DYNC2I1: variants seen among roughly 807,000 people sequenced by gnomAD.
The protein encoded by DYNC2I1 is cytoplasmic dynein 2 intermediate chain 1.
DYNC2I1 carries 89 observed loss-of-function variants against 133.4 expected under a neutral mutation model. The ratio of observed to expected loss-of-function variants is 0.67; its 90% CI spans 0.56 to 0.80. The LOEUF is 0.80. Among genes scored for constraint, DYNC2I1 ranks in the 30% least tolerant of loss-of-function variants. DYNC2I1 has a pLI of 0.00. For synonymous variants in DYNC2I1, 504 were observed against 484.3 expected (o/e 1.04, Z -0.54); for missense variants, 1,291 against 1,314.5 (o/e 0.98, Z 0.28).
At chr7:158,855,007 G>A (rs1841141945), upstream of DYNC2I1, among the ~76,000 whole-genome samples, 1 of 152,248 alleles carries the variant, frequency 6.6e-6, no homozygotes, top group African/African-American at 2.4e-5. Flanking sequence ...CAAAGCAACA[G>A]CTGTGCATTT....
At chr7:158,870,240 G>A (rs185956485) in intron 2 of DYNC2I1, among the ~76,000 whole-genome samples, 1 of 152,282 alleles carries the variant, frequency 6.6e-6, no homozygotes, top group African/African-American at 2.4e-5. Flanking sequence ...TTAGAACGAG[G>A]GTCCTTGTTT....
At chr7:158,905,632 G>A (rs956541037) in intron 10 of DYNC2I1, among the ~76,000 whole-genome samples, 4 of 152,042 alleles carry the variant, frequency 2.6e-5, no homozygotes, top group African/African-American at 9.7e-5. Context: ...TAGCAATTTT[G>A]TATGTCCTTG....
intron 20 of DYNC2I1, among the ~76,000 whole-genome samples, chr7:158,928,187 A>G (rs1013042633): frequency 2.6e-5 from 4 of 152,162 alleles, no homozygotes; most frequent in African/African-American, 9.7e-5. Context: ...GCTATGGAGT[A>G]CGATTTTCAG....
At chr7:158,869,392 C>T (rs1842679567) in intron 1 of DYNC2I1, 1 of 463,346 alleles carries the variant, frequency 2.2e-6, no homozygotes, top group South Asian at 1.6e-5. Flanking sequence ...CAGGCAGAAA[C>T]CCATTGTCCT....
At chr7:158,859,746 A>G (rs1009080914) in intron 1 of DYNC2I1, among the ~76,000 whole-genome samples, 2 of 152,154 alleles carry the variant, frequency 1.3e-5, no homozygotes, top group African/African-American at 2.4e-5. Flanking sequence ...CGGCCTCCCA[A>G]AGTGCTGGGA....
At chr7:158,882,593 C>T (rs1157348327) in intron 5 of DYNC2I1, among the ~76,000 whole-genome samples, 4 of 152,026 alleles carry the variant, frequency 2.6e-5, no homozygotes, top group Non-Finnish European at 4.4e-5. Flanking sequence ...AAAAAAGAGA[C>T]CAGGCATGGT....
At chr7:158,880,074 C>G (rs1346856507) in intron 5 of DYNC2I1, 85 bp downstream of exon 5, 1 of 1,475,066 alleles carries the variant, frequency 6.8e-7, no homozygotes, top group Non-Finnish European at 9.1e-7. Context: ...TGTCGCCAGA[C>G]AAGGTTGAGA....
chr7:158,890,571 G>A (rs1326403332), intron 7 of DYNC2I1, among the ~76,000 whole-genome samples: 1 of 151,906 alleles, frequency 6.6e-6, no homozygotes, highest in Admixed American at 6.6e-5. Flanking sequence ...ACCAGTTTTA[G>A]ACACTGCCTA....
chr7:158,915,111 A>C (rs1357983463), intron 14 of DYNC2I1, among the ~76,000 whole-genome samples: 4 of 152,030 alleles, frequency 2.6e-5, no homozygotes, highest in Non-Finnish European at 1.5e-5. Flanking sequence ...ATTAAGGATG[A>C]TTGTAAAACC....
At chr7:158,871,636 C>A in intron 3 of DYNC2I1, 74 bp downstream of exon 3, 2 of 1,414,260 alleles carry the variant, frequency 1.4e-6, no homozygotes, top group Non-Finnish European at 1.9e-6. Context: ...TGATAGCTCG[C>A]TGCCTCCCCT....
At position 158,891,249 on chromosome 7, in the gene DYNC2I1, G is replaced by C; in HGVS notation, c.991-16G>C. 2 of 1,613,956 alleles carry C rather than the reference G, an allele frequency of 1.2e-6. No homozygotes were observed. Among genetic ancestry groups the C allele is most frequent in the Admixed American group, 1.7e-5 (1 of 60,026 alleles). On this transcript the variant is annotated splice_polypyrimidine_tract_variant and intron_variant, in intron 7 of 24. Transcript: ENST00000407559. ...CACCTGTGTCCTGGCTGATGGGGCT[G>C]TTCTCTCTCCATTAGCATGGCCACG...
chr7:158,840,040 C>T, the DYNC2I1 span, among the ~76,000 whole-genome samples: 4 of 152,156 alleles, frequency 2.6e-5, no homozygotes, highest in Non-Finnish European at 2.9e-5. Context: ...GTCTCAAACT[C>T]TTGGGCTCAA....
At chr7:158,885,668 T>G (rs1455504367) in intron 6 of DYNC2I1, among the ~76,000 whole-genome samples, 1 of 152,178 alleles carries the variant, frequency 6.6e-6, no homozygotes, top group Non-Finnish European at 1.5e-5. Flanking sequence ...AGCCCTAGAC[T>G]TTAATTTGTT....
At chr7:158,876,502 A>G in intron 3 of DYNC2I1, 107 bp from the exon 4 acceptor site, 1 of 1,356,254 alleles carries the variant, frequency 7.4e-7, no homozygotes, top group Non-Finnish European at 9.8e-7. Context: ...TTTCAAATAC[A>G]TATTAACGAA....
intron 24 of DYNC2I1, among the ~76,000 whole-genome samples, chr7:158,943,851 C>T (rs1213893640): frequency 6.6e-6 from 1 of 152,182 alleles, no homozygotes; most frequent in East Asian, 1.9e-4. Context: ...TCCCCTAACC[C>T]CTCAGCAGTG....
chr7:158,943,625 AC>A (rs1288939940), intron 24 of DYNC2I1, among the ~76,000 whole-genome samples: 2 of 151,482 alleles, frequency 1.3e-5, no homozygotes, highest in Non-Finnish European at 3.0e-5. Flanking sequence ...TGTGGCGGGG[AC>A]CGGAGGGTCT....
intron 8 of DYNC2I1, among the ~76,000 whole-genome samples, chr7:158,896,787 G>GTA (rs1845797892): frequency 6.6e-6 from 1 of 151,112 alleles, no homozygotes; most frequent in Middle Eastern, 3.4e-3. Flanking sequence ...GTGATTCTTT[G>GTA]TATACATTGT....
At chr7:158,883,149 G>A (rs143018149) in intron 5 of DYNC2I1, among the ~76,000 whole-genome samples, 2 of 151,832 alleles carry the variant, frequency 1.3e-5, no homozygotes, top group East Asian at 1.9e-4. Context: ...TAGAAACTGG[G>A]ACTGTTCCCG....
chr7:158,848,398 G>A, the DYNC2I1 span, among the ~76,000 whole-genome samples: 7 of 152,266 alleles, frequency 4.6e-5, no homozygotes, highest in African/African-American at 7.2e-5. Context: ...GGCACCTTGC[G>A]TGATATTACT....
Sources: gnomAD v4.1 joint callset for allele counts (sites outside exome capture counted in the v4.1 genomes callset) on GRCh38, gnomAD v4.1.1 for gene constraint, MANE v1.5 for transcripts, NCBI Gene and HGNC (gene_info 2026-07-23, HGNC 2026-07-21) for gene names.